Variants in TULP4 observed in about 807,000 individuals in gnomAD.
The protein encoded by TULP4 is tubby-related protein 4.
A neutral mutation model predicts 129.0 loss-of-function variants in TULP4; 16 were observed. The observed-to-expected ratio is 0.12, with a 90% confidence interval of 0.08 to 0.19. The LOEUF (loss-of-function observed/expected upper bound fraction) is 0.19, where lower values mean the gene tolerates loss of function less well. Ranked by LOEUF, TULP4 falls within the 10% of genes least tolerant of loss-of-function variation. TULP4 has a pLI of 1.00. For missense variants in TULP4, 1,842 were observed against 2,059.1 expected (o/e 0.89, Z 2.04); for synonymous variants, 998 against 854.0 (o/e 1.17, Z -2.94).
chr6:158,314,005 A>G lies in TULP4; in HGVS notation c.-12A>G. On this transcript the variant is annotated 5_prime_UTR_variant, in exon 1 of 14. Coordinates refer to ENST00000367097, the MANE Select transcript of TULP4 (RefSeq NM_020245.5). The stretch of plus-strand genomic sequence containing the variant: ...CATTACTTTTTAAGTAAAACAGTTC[A>G]TTGAAGAAAGTATGTATGCAGCAGT... 1 of 1,609,960 alleles carries G rather than the reference A, an allele frequency of 6.2e-7. No individual in the cohort carries two copies. Among genetic ancestry groups the G allele is most frequent in the African/African-American group, 1.3e-5 (1 of 74,942 alleles).
At chr6:158,372,527 A>G (rs1332202089) in intron 1 of TULP4, among the ~76,000 whole-genome samples, 2 of 152,200 alleles carry the variant, frequency 1.3e-5, no homozygotes, top group Non-Finnish European at 2.9e-5. Context: ...ATTAAATATC[A>G]ATTTCTATTT....
intron 1 of TULP4, among the ~76,000 whole-genome samples, chr6:158,339,319 A>T (rs897665365): frequency 6.6e-6 from 1 of 152,170 alleles, no homozygotes; most frequent in Non-Finnish European, 1.5e-5. Flanking sequence ...GCGACAAAAG[A>T]TCACAAGGCA....
intron 1 of TULP4, among the ~76,000 whole-genome samples, chr6:158,372,826 T>C (rs1170825575): frequency 2.6e-5 from 4 of 152,220 alleles, no homozygotes; most frequent in African/African-American, 9.6e-5. Context: ...ATCTGCAATA[T>C]ATGGTTTTGT....
chr6:158,309,796 G>A (rs1779305808), upstream of TULP4, among the ~76,000 whole-genome samples: 1 of 151,964 alleles, frequency 6.6e-6, no homozygotes, highest in Admixed American at 6.5e-5. Context: ...GGCCGAGGCA[G>A]GAGAATCAGG....
intron 1 of TULP4, among the ~76,000 whole-genome samples, chr6:158,400,849 G>A (rs1212060230): frequency 6.6e-6 from 1 of 151,954 alleles, no homozygotes; most frequent in Non-Finnish European, 1.5e-5. Context: ...ACCTGCCTGA[G>A]GTAGGGAAAC....
intron 5 of TULP4, among the ~76,000 whole-genome samples, chr6:158,457,669 T>G (rs903248741): frequency 4.6e-5 from 7 of 152,190 alleles, no homozygotes; most frequent in African/African-American, 1.2e-4. Context: ...AGGCACTCAT[T>G]TCATCCCACA....
intron 1 of TULP4, among the ~76,000 whole-genome samples, chr6:158,376,086 G>T (rs951926351): frequency 2.0e-5 from 3 of 152,172 alleles, no homozygotes; most frequent in South Asian, 2.1e-4. Context: ...AGCATTAGTG[G>T]CTGTCACCTG....
At chr6:158,237,265 G>A (rs1200997654) in intron 1 of TULP4, 3 of 1,085,330 alleles carry the variant, frequency 2.8e-6, no homozygotes, top group African/African-American at 3.1e-5. Context: ...GCTTCTTGCT[G>A]TATTACCTTT....
At chr6:158,388,336 T>TTTG (rs1777502301) in intron 1 of TULP4, among the ~76,000 whole-genome samples, 1 of 135,558 alleles carries the variant, frequency 7.4e-6, no homozygotes, top group Non-Finnish European at 1.6e-5. Flanking sequence ...TTTTTTTTTT[T>TTTG]TTTTTTTTTT....
intron 1 of TULP4, among the ~76,000 whole-genome samples, chr6:158,247,625 T>C (rs1338781440): frequency 1.3e-5 from 2 of 152,248 alleles, no homozygotes; most frequent in African/African-American, 4.8e-5. Flanking sequence ...GTGAATGTTT[T>C]TCAGTCCCAG....
intron 1 of TULP4, among the ~76,000 whole-genome samples, chr6:158,391,935 G>C (rs1381334170): frequency 1.3e-5 from 2 of 152,124 alleles, no homozygotes; most frequent in African/African-American, 4.8e-5. Flanking sequence ...CTGGAATGTG[G>C]CAGGCACTTA....
chr6:158,255,681 G>T (rs1335093158), intron 1 of TULP4, among the ~76,000 whole-genome samples: 5 of 152,242 alleles, frequency 3.3e-5, no homozygotes, highest in Non-Finnish European at 7.3e-5. Flanking sequence ...GCCAACAGCA[G>T]AGAGAACTCT....
intron 1 of TULP4, among the ~76,000 whole-genome samples, chr6:158,268,798 CTT>C (rs1470615910): frequency 6.6e-6 from 1 of 152,040 alleles, no homozygotes; most frequent in African/African-American, 2.4e-5. Context: ...TTTTATATGA[CTT>C]TTTTCTATTT....
At chr6:158,440,317 C>CA (rs34200003) in intron 3 of TULP4, among the ~76,000 whole-genome samples, 34,341 of 85,570 alleles carry the variant, frequency 0.4, 7,041 homozygotes, top group African/African-American at 0.52. Flanking sequence ...GTCCCTGTCT[C>CA]AAAAAAAAAA....
intron 1 of TULP4, among the ~76,000 whole-genome samples, chr6:158,255,067 G>C (rs1336585685): frequency 2.6e-5 from 4 of 152,112 alleles, no homozygotes; most frequent in Non-Finnish European, 5.9e-5. Flanking sequence ...GTGAGACTCT[G>C]TCTCAAAAAC....
chr6:158,284,101 C>T (rs1778800711), intron 1 of TULP4, among the ~76,000 whole-genome samples: 1 of 151,948 alleles, frequency 6.6e-6, no homozygotes, highest in African/African-American at 2.4e-5. Context: ...GAGAAAAATC[C>T]ATAGGTGGGG....
chr6:158,326,085 G>A (rs1012523117), intron 1 of TULP4, among the ~76,000 whole-genome samples: 1 of 152,064 alleles, frequency 6.6e-6, no homozygotes, highest in Admixed American at 6.6e-5. Flanking sequence ...CAGTATTACT[G>A]TATCACAAAT....
rs891990986 is a variant in TULP4, at chr6:158,232,354, G to C, written n.68+51G>C. ...CCGCCGCGCAGTCCCGCGGGAGGGG[G>C]CGCCGGCCCGAGCGTCGTCCCTGCC... On this transcript the variant is annotated intron_variant and non_coding_transcript_variant, in intron 1 of 1. Coordinates refer to the TULP4 transcript ENST00000620026. 277 of 148,670 alleles carry C rather than the reference G, an allele frequency of 1.9e-3. 1 individual carries two copies. Among genetic ancestry groups the C allele is most frequent in the Non-Finnish European group, 9.9e-4 (66 of 66,574 alleles). The allele number at this position is 148,670 out of a possible 1,614,324, so 9.2% of individuals were successfully genotyped here.
At chr6:158,480,131 G>A (rs921744154) in intron 7 of TULP4, among the ~76,000 whole-genome samples, 156 bp downstream of exon 7, 8 of 152,218 alleles carry the variant, frequency 5.3e-5, no homozygotes, top group Non-Finnish European at 7.3e-5. Context: ...GCAGTCTGTC[G>A]AAGCATCATG....
Sources: allele counts gnomAD v4.1 joint callset (sites outside exome capture counted in the v4.1 genomes callset), GRCh38; gene constraint gnomAD v4.1.1; transcripts MANE v1.5; gene names NCBI Gene and HGNC (gene_info 2026-07-23, HGNC 2026-07-21).